SIPA1L2: variants seen among roughly 807,000 people sequenced by gnomAD.
SIPA1L2 encodes signal induced proliferation associated 1 like 2, also known as signal-induced proliferation-associated 1-like protein 2.
A neutral mutation model predicts 163.9 loss-of-function variants in SIPA1L2; 56 were observed. The observed-to-expected ratio is 0.34, with a 90% CI of 0.28 to 0.43. The LOEUF (loss-of-function observed/expected upper bound fraction) is 0.43, where lower values mean the gene tolerates loss of function less well. SIPA1L2 is among the 20% of genes least tolerant of loss of function. The pLI is 1.00. For synonymous variants in SIPA1L2, 877 were observed against 865.7 expected, an observed-to-expected ratio of 1.01 and a Z score of -0.23; for missense variants, 1,974 against 2,193.5, an observed-to-expected ratio of 0.90 and a Z score of 2.00.
At chr1:232,554,541 T>C (rs181103389) in intron 2 of SIPA1L2, among the ~76,000 whole-genome samples, 3 of 152,170 alleles carry the variant, frequency 2.0e-5, no homozygotes, top group Non-Finnish European at 4.4e-5. Context: ...CAGGATACCA[T>C]GTAGATTTCC....
At chr1:232,485,604 A>G (rs1465384505) in intron 5 of SIPA1L2, among the ~76,000 whole-genome samples, 3 of 152,220 alleles carry the variant, frequency 2.0e-5, no homozygotes, top group African/African-American at 7.2e-5. Flanking sequence ...AGTGACTCAG[A>G]AGACATTTCA....
chr1:232,441,859 G>A lies in SIPA1L2; in HGVS notation c.3447C>T (p.Ser1149=), dbSNP rs957322587. ...AGCCCTGGTGTTCGAGCAGTAGAGGGGACTGGCACCTGAAAAGAACACAGA... is the reference window on the plus strand; with the variant it reads ...AGCCCTGGTGTTCGAGCAGTAGAGGAGACTGGCACCTGAAAAGAACACAGA... ...RPQVGYDGCQ[S]PLLLEHQGSG... The change falls in exon 13 of 23, where the codon TCC becomes TCT. Residue 1149 remains serine, a synonymous_variant. Transcript: ENST00000674635. 8 of 1,612,026 alleles carry A rather than the reference G, an allele frequency of 5.0e-6. No individual in the cohort carries two copies. The highest frequency in any genetic ancestry group is 4.0e-5 in the African/African-American group (3 of 74,990).
chr1:232,479,023 A>G (rs955940599), intron 7 of SIPA1L2, among the ~76,000 whole-genome samples: 12 of 152,212 alleles, frequency 7.9e-5, no homozygotes, highest in Admixed American at 7.8e-4. Context: ...ATTTCTAGTA[A>G]TCTTTGCAAA....
At chr1:232,404,081 G>A in intron 20 of SIPA1L2, 44 bp downstream of exon 20, 1 of 1,607,834 alleles carries the variant, frequency 6.2e-7, no homozygotes, top group South Asian at 1.1e-5. Context: ...ATACAGAAAA[G>A]GTTACAGGAT....
At chr1:232,492,079 T>C (rs1027213516) in intron 4 of SIPA1L2, among the ~76,000 whole-genome samples, 1 of 152,142 alleles carries the variant, frequency 6.6e-6, no homozygotes, top group Non-Finnish European at 1.5e-5. Context: ...GTCTATAACT[T>C]AAAATATGTC....
Position 232,483,879 on chromosome 1 carries a change from G to C in SIPA1L2, c.1894C>G (p.Pro632Ala), listed in dbSNP as rs1482432427. 1 of 1,613,902 alleles carries C rather than the reference G, an allele frequency of 6.2e-7. No homozygotes were observed. Among genetic ancestry groups the C allele is most frequent in the African/African-American group, 1.3e-5 (1 of 74,904 alleles). Reference sequence around the variant, plus strand: ...AGATCAAGGAATTCTTCAAAAGCTGGTCCCGCCGTCTCATTGTTATACATC... The same window carrying C: ...AGATCAAGGAATTCTTCAAAAGCTGCTCCCGCCGTCTCATTGTTATACATC... ...EEMYNNETAGPAFEEFLDLLG... is the reference protein window; with the variant it reads ...EEMYNNETAGAAFEEFLDLLG... Residue 632 changes from proline (P) to alanine (A), a missense_variant, in exon 6 of 23, where the codon CCA becomes GCA. Coordinates refer to ENST00000674635, the MANE Select transcript of SIPA1L2 (RefSeq NM_020808.5).
chr1:232,603,497 G>T (rs910275027), intron 1 of SIPA1L2, among the ~76,000 whole-genome samples: 4 of 152,108 alleles, frequency 2.6e-5, no homozygotes, highest in African/African-American at 9.7e-5. Context: ...TGAACAGCAG[G>T]GTGTCACTCA....
intron 14 of SIPA1L2, 22 bp downstream of exon 14, chr1:232,441,269 G>C (rs752301762): frequency 5.7e-6 from 9 of 1,567,398 alleles, no homozygotes. Flanking sequence ...GCCAGTGAAG[G>C]GCTTATGAAC....
intron 2 of SIPA1L2, among the ~76,000 whole-genome samples, chr1:232,518,335 T>G (rs541759761): frequency 9.3e-4 from 141 of 152,294 alleles, no homozygotes; most frequent in African/African-American, 3.2e-3. Flanking sequence ...TCATTTAATT[T>G]GTGTGAGGCT....
At position 232,549,526 on chromosome 1, in the gene SIPA1L2, T is replaced by C. The variant is rs371911724; in HGVS notation, c.-270+24648A>G. 1.1e-4 allele frequency among the ~76,000 whole-genome samples: 16 copies of C among 152,306 alleles called. 1 individual carries two copies. Among genetic ancestry groups the C allele is most frequent in the Admixed American group, 7.2e-4 (11 of 15,302 alleles). On this transcript the variant is annotated intron_variant, in intron 2 of 22. Coordinates refer to ENST00000674635, the MANE Select transcript of SIPA1L2 (RefSeq NM_020808.5). ...AGAAAACTCTCAAGAATTGTTAACA[T>C]GTAAAATGACTGAAATCAGCATGTT... is the stretch of plus-strand genomic sequence containing the variant.
At position 232,399,140 on chromosome 1, in the gene SIPA1L2, T is replaced by C; in HGVS notation, c.5156A>G (p.Asp1719Gly). The C allele has an allele frequency of 2.5e-6, 4 of 1,614,064 alleles. No homozygotes were observed. The highest frequency in any genetic ancestry group is 2.5e-6 in the Non-Finnish European group (3 of 1,180,030). The change falls in exon 23 of 23, where the codon GAC becomes GGC. Residue 1719 changes from aspartate to glycine, a missense_variant. Asp to Gly is a moderately conservative substitution (Grantham distance 94). Around this residue, in one of 3 missense-constraint regions of SIPA1L2, gnomAD observed 1,079 missense variants for 1,150.7 expected, o/e 0.94. Coordinates refer to ENST00000674635, the MANE Select transcript of SIPA1L2 (RefSeq NM_020808.5). ...KFTEWFFTTIDKKS is the reference protein window; with the variant it reads ...KFTEWFFTTIGKKS ...GGTGCGGATTGGCTAAGATTTTTTG[T>C]CGATGGTGGTGAAAAACCATTCTGT...
intron 11 of SIPA1L2, 116 bp downstream of exon 11, chr1:232,445,412 CA>C: frequency 6.8e-7 from 1 of 1,468,018 alleles, no homozygotes; most frequent in Non-Finnish European, 9.2e-7. Flanking sequence ...CCCTGCTTGC[CA>C]ACTTGCTGTG....
At chr1:232,561,256 T>C (rs1659019095) in intron 2 of SIPA1L2, among the ~76,000 whole-genome samples, 1 of 152,244 alleles carries the variant, frequency 6.6e-6, no homozygotes, top group African/African-American at 2.4e-5. Context: ...TTATATATTC[T>C]GGTAAAAGAT....
At chr1:232,558,166 C>T (rs2102737189) in intron 2 of SIPA1L2, among the ~76,000 whole-genome samples, 1 of 152,322 alleles carries the variant, frequency 6.6e-6, no homozygotes, top group East Asian at 1.9e-4. Context: ...GAGATTTACA[C>T]TTCAAAGAGC....
intron 2 of SIPA1L2, among the ~76,000 whole-genome samples, chr1:232,540,841 G>A (rs1657614661): frequency 1.3e-5 from 2 of 152,094 alleles, no homozygotes; most frequent in African/African-American, 4.8e-5. Context: ...CCTTCATCAG[G>A]CACCTTGCTA....
chr1:232,455,628 G>GCGGAGCTTGCAGCGAGC (rs1438486567), intron 10 of SIPA1L2, among the ~76,000 whole-genome samples: 13 of 92,988 alleles, frequency 1.4e-4, no homozygotes, highest in Admixed American at 8.0e-4. Flanking sequence ...TTGCAGCGAG[G>GCGGAGCTTGCAGCGAGC]CGGAGCTTGC....
chr1:232,443,570 C>T, intron 12 of SIPA1L2, 32 bp downstream of exon 12: 1 of 1,519,612 alleles, frequency 6.6e-7, no homozygotes, highest in Non-Finnish European at 8.9e-7. Flanking sequence ...AGGTTCCTCC[C>T]AGTGGATAAC....
intron 2 of SIPA1L2, among the ~76,000 whole-genome samples, chr1:232,529,343 C>A (rs1376087596): frequency 6.6e-6 from 1 of 152,178 alleles, no homozygotes; most frequent in Non-Finnish European, 1.5e-5. Context: ...AAAACTTGAC[C>A]TTCAAAATAC....
Position 232,398,168 on chromosome 1 carries a change from T to TA in SIPA1L2, c.*958dup, listed in dbSNP as rs1558143679. Reference sequence around the variant, plus strand: ...CTGCAGCTACCTCCATCCCTCATCGTAGTGCAGGCCAAACCAAATTTTATA... The same window carrying TA: ...CTGCAGCTACCTCCATCCCTCATCGTAAGTGCAGGCCAAACCAAATTTTATA... On this transcript the variant is annotated 3_prime_UTR_variant, in exon 23 of 23. Coordinates refer to ENST00000674635, the MANE Select transcript of SIPA1L2 (RefSeq NM_020808.5). The TA allele has an allele frequency of 6.6e-6, 1 of 152,610 alleles. No individual in the cohort carries two copies. Among genetic ancestry groups the TA allele is most frequent in the African/African-American group, 2.4e-5 (1 of 41,436 alleles). The allele number at this position is 152,610 out of a possible 1,614,324, so 9.5% of individuals were successfully genotyped here.
Sources: allele counts gnomAD v4.1 joint callset (sites outside exome capture counted in the v4.1 genomes callset), GRCh38; gene constraint gnomAD v4.1.1; regional missense constraint gnomAD v4.1.1; transcripts MANE v1.5; gene names NCBI Gene and HGNC (gene_info 2026-07-23, HGNC 2026-07-21).